PCDH15: variants seen among roughly 807,000 people sequenced by gnomAD.
PCDH15 encodes the protein protocadherin related 15.
A neutral mutation model predicts 178.5 loss-of-function variants in PCDH15; 129 were observed. The ratio of observed to expected loss-of-function variants is 0.72; its 90% CI spans 0.63 to 0.84. The LOEUF is 0.84. Ranked by LOEUF, PCDH15 falls within the 40% of genes least tolerant of loss-of-function variation. The pLI, the probability that PCDH15 is intolerant of heterozygous loss-of-function variation, is 0.00. For synonymous variants in PCDH15, 800 were observed against 732.0 expected, an observed-to-expected ratio of 1.09 and a Z score of -1.50; for missense variants, 2,230 against 2,099.9, an observed-to-expected ratio of 1.06 and a Z score of -1.21.
At chr10:54,045,389 A>G (rs964076032) in intron 18 of PCDH15, among the ~76,000 whole-genome samples, 14 of 152,124 alleles carry the variant, frequency 9.2e-5, no homozygotes, top group Non-Finnish European at 1.8e-4. Context: ...TTGGCTCTTT[A>G]TGCCAACAAA....
intron 1 of PCDH15, among the ~76,000 whole-genome samples, chr10:54,678,257 A>G (rs527288528): frequency 6.6e-6 from 1 of 152,324 alleles, no homozygotes; most frequent in African/African-American, 2.4e-5. Flanking sequence ...GTCATCACCA[A>G]CACAAAGTTC....
At chr10:54,133,056 T>A in intron 14 of PCDH15, 49 bp from the exon 15 acceptor site, 1 of 1,612,244 alleles carries the variant, frequency 6.2e-7, no homozygotes, top group Non-Finnish European at 8.5e-7. Flanking sequence ...TGCATCACAT[T>A]TAATGTTAGA....
At chr10:54,843,232 A>T (rs1190625078) in intron 3 of PCDH15, among the ~76,000 whole-genome samples, 3 of 151,960 alleles carry the variant, frequency 2.0e-5, no homozygotes, top group African/African-American at 4.8e-5. Flanking sequence ...GTGCCCTGGC[A>T]GTTGAAAAAT....
intron 1 of PCDH15, among the ~76,000 whole-genome samples, chr10:54,766,497 G>A (rs1351760738): frequency 6.6e-6 from 1 of 150,760 alleles, no homozygotes; most frequent in Non-Finnish European, 1.5e-5. Context: ...TCAGGCATAA[G>A]AGTTAAATAT....
chr10:55,187,464 C>A (rs1839829348), intron 1 of PCDH15, among the ~76,000 whole-genome samples: 1 of 151,792 alleles, frequency 6.6e-6, no homozygotes, highest in Admixed American at 6.6e-5. Flanking sequence ...ATGTTAGGAT[C>A]AGAAGGACCA....
At chr10:54,825,188 A>G (rs1013136635) in intron 3 of PCDH15, among the ~76,000 whole-genome samples, 1 of 151,904 alleles carries the variant, frequency 6.6e-6, no homozygotes, top group Admixed American at 6.6e-5. Flanking sequence ...CCATGTCCCT[A>G]CAAAGGACAT....
chr10:54,595,165 G>C (rs1041144019), intron 2 of PCDH15, among the ~76,000 whole-genome samples: 3 of 152,188 alleles, frequency 2.0e-5, no homozygotes, highest in Non-Finnish European at 4.4e-5. Context: ...ATCCCACTAC[G>C]ACTGTCCTAC....
chr10:55,055,802 CT>C, intron 2 of PCDH15, among the ~76,000 whole-genome samples: 1 of 151,778 alleles, frequency 6.6e-6, no homozygotes, highest in African/African-American at 2.4e-5. Flanking sequence ...GAGTGAGCCC[CT>C]GTCTCAAAAA....
At chr10:54,239,426 T>G (rs199701484) in intron 8 of PCDH15, among the ~76,000 whole-genome samples, 161 of 139,022 alleles carry the variant, frequency 1.2e-3, no homozygotes, top group African/African-American at 4.2e-3. Flanking sequence ...TATATATATA[T>G]ATATATAGAG....
intron 25 of PCDH15, among the ~76,000 whole-genome samples, chr10:53,927,844 T>C (rs772414666): frequency 1.2e-4 from 19 of 152,108 alleles, no homozygotes; most frequent in Non-Finnish European, 2.6e-4. Context: ...ATCTTTTTAT[T>C]TGAGGAGAAC....
Position 54,004,510 on chromosome 10 carries a change from C to T in PCDH15, c.2752-8745G>A, listed in dbSNP as rs143389018. Among the ~76,000 whole-genome samples, 807 of 151,486 alleles carry T rather than the reference C, an allele frequency of 5.3e-3. 6 individuals carry two copies. The highest frequency in any genetic ancestry group is 0.019 in the African/African-American group (780 of 41,220). ...GAAAAATCAGTAGCATTTCTATATG[C>T]CAACAGTGAACAATCCGCAAAAGAA... On this transcript the variant is annotated intron_variant, in intron 20 of 37. Coordinates refer to ENST00000644397, the MANE Select transcript of PCDH15 (RefSeq NM_001384140.1).
chr10:54,015,156 T>A (rs1291654682), intron 20 of PCDH15, among the ~76,000 whole-genome samples: 1 of 151,256 alleles, frequency 6.6e-6, no homozygotes, highest in East Asian at 1.9e-4. Flanking sequence ...GCAATCCCAT[T>A]TGCAATAGTT....
At chr10:55,218,425 G>A (rs757607689) in intron 1 of PCDH15, among the ~76,000 whole-genome samples, 4 of 152,010 alleles carry the variant, frequency 2.6e-5, no homozygotes, top group Non-Finnish European at 5.9e-5. Flanking sequence ...GAGGAGAGGA[G>A]AGAAGCTAGT....
chr10:54,181,839 C>G (rs2048011285), intron 13 of PCDH15, among the ~76,000 whole-genome samples: 1 of 151,712 alleles, frequency 6.6e-6, no homozygotes, highest in Non-Finnish European at 1.5e-5. Flanking sequence ...AATTCCCAGT[C>G]CCCAGGCTAT....
chr10:54,743,164 C>T (rs1183376496), intron 1 of PCDH15, among the ~76,000 whole-genome samples: 1 of 151,836 alleles, frequency 6.6e-6, no homozygotes, highest in East Asian at 1.9e-4. Flanking sequence ...ATATATTTTC[C>T]AGAAGATAAA....
At chr10:55,451,597 A>G (rs1839436986) in intron 2 of PCDH15, among the ~76,000 whole-genome samples, 1 of 152,248 alleles carries the variant, frequency 6.6e-6, no homozygotes, top group Non-Finnish European at 1.5e-5. Flanking sequence ...TTCAGAATTC[A>G]TTTTAAGTAG....
intron 2 of PCDH15, among the ~76,000 whole-genome samples, chr10:55,526,242 AT>A (rs893893962): frequency 6.6e-6 from 1 of 151,876 alleles, no homozygotes; most frequent in Admixed American, 6.6e-5. Context: ...ACACAATTCT[AT>A]TTTTTTCATT....
At chr10:54,830,598 G>T (rs12764380) in intron 3 of PCDH15, among the ~76,000 whole-genome samples, 14 of 151,262 alleles carry the variant, frequency 9.3e-5, no homozygotes, top group Non-Finnish European at 1.9e-4. Flanking sequence ...GTGGGGGTAG[G>T]GGGGAGGGAT....
At chr10:55,555,056 A>G (rs1842065363) in intron 2 of PCDH15, among the ~76,000 whole-genome samples, 3 of 152,058 alleles carry the variant, frequency 2.0e-5, no homozygotes, top group Non-Finnish European at 2.9e-5. Flanking sequence ...CAGTATTTCC[A>G]TAATTAATAA....
Sources: allele counts gnomAD v4.1 joint callset (sites outside exome capture counted in the v4.1 genomes callset), GRCh38; gene constraint gnomAD v4.1.1; transcripts MANE v1.5; gene names NCBI Gene and HGNC (gene_info 2026-07-23, HGNC 2026-07-21).